LRRC4C: variants seen among roughly 807,000 people sequenced by gnomAD.
LRRC4C encodes the protein leucine rich repeat containing 4C, also known as leucine-rich repeat-containing protein 4C.
A neutral mutation model predicts 33.6 loss-of-function variants in LRRC4C; 5 were observed. That is an observed-to-expected ratio of 0.15 (90% confidence interval 0.08 to 0.31). The LOEUF is 0.31. LRRC4C is among the 10% of genes least tolerant of loss of function. The pLI is 1.00. For missense variants in LRRC4C, 560 were observed against 796.7 expected, an observed-to-expected ratio of 0.70 and a Z score of 3.58; for synonymous variants, 329 against 302.0, an observed-to-expected ratio of 1.09 and a Z score of -0.93.
At chr11:40,781,468 T>C (rs1425905652) in intron 2 of LRRC4C, among the ~76,000 whole-genome samples, 1 of 152,162 alleles carries the variant, frequency 6.6e-6, no homozygotes, top group Non-Finnish European at 1.5e-5. Flanking sequence ...TTCTGTGTTA[T>C]TTAACGTAGG....
chr11:40,475,854 A>T (rs1312219067), intron 3 of LRRC4C, among the ~76,000 whole-genome samples: 1 of 152,084 alleles, frequency 6.6e-6, no homozygotes, highest in Non-Finnish European at 1.5e-5. Flanking sequence ...GGGTTGTCTC[A>T]TTCTAAATTC....
chr11:40,391,517 G>A (rs1949336386), intron 3 of LRRC4C, among the ~76,000 whole-genome samples: 1 of 152,150 alleles, frequency 6.6e-6, no homozygotes, highest in Non-Finnish European at 1.5e-5. Context: ...GAGATGAAGG[G>A]ATTGAGCCAA....
At chr11:40,675,814 T>C (rs1326418380) in intron 2 of LRRC4C, among the ~76,000 whole-genome samples, 1 of 152,216 alleles carries the variant, frequency 6.6e-6, no homozygotes, top group Non-Finnish European at 1.5e-5. Context: ...CTGTTAAAGT[T>C]TTTTTGGAAC....
intron 1 of LRRC4C, among the ~76,000 whole-genome samples, chr11:41,279,908 A>G (rs1316806966): frequency 6.6e-6 from 1 of 151,764 alleles, no homozygotes; most frequent in African/African-American, 2.4e-5. Flanking sequence ...TTATATCATT[A>G]TATCAAATAT....
At chr11:40,602,207 A>AG (rs1269995353) in intron 3 of LRRC4C, among the ~76,000 whole-genome samples, 1 of 117,666 alleles carries the variant, frequency 8.5e-6, no homozygotes, top group African/African-American at 2.6e-5. Flanking sequence ...AAAAAAAAAA[A>AG]AAAGAAAAAA....
chr11:40,142,049 G>T (rs1014297513), intron 5 of LRRC4C, among the ~76,000 whole-genome samples: 1 of 152,032 alleles, frequency 6.6e-6, no homozygotes, highest in African/African-American at 2.4e-5. Context: ...CTCGGAGGCC[G>T]AGGTGGGTGG....
At chr11:41,030,815 C>CAT (rs1040614253) in intron 1 of LRRC4C, among the ~76,000 whole-genome samples, 49 of 151,632 alleles carry the variant, frequency 3.2e-4, no homozygotes, top group East Asian at 2.5e-3. Flanking sequence ...CATACACACA[C>CAT]ATATATATAT....
intron 2 of LRRC4C, among the ~76,000 whole-genome samples, chr11:40,858,670 G>A (rs548519713): frequency 1.4e-5 from 2 of 140,998 alleles, no homozygotes; most frequent in East Asian, 4.3e-4. Context: ...CTCCAGCCTG[G>A]TAACAGAGTG....
intron 1 of LRRC4C, among the ~76,000 whole-genome samples, chr11:41,318,788 G>T (rs749891280): frequency 6.6e-6 from 1 of 151,642 alleles, no homozygotes; most frequent in African/African-American, 2.4e-5. Context: ...CCTTTTCATA[G>T]AATAGAAATT....
At chr11:41,158,584 C>A (rs548482306) in intron 1 of LRRC4C, among the ~76,000 whole-genome samples, 12 of 152,178 alleles carry the variant, frequency 7.9e-5, no homozygotes, top group African/African-American at 2.2e-4. Context: ...TTTTCCAGGA[C>A]AAAGCAGTGA....
chr11:40,297,037 T>C (rs906659705), intron 4 of LRRC4C, among the ~76,000 whole-genome samples: 2 of 152,236 alleles, frequency 1.3e-5, no homozygotes, highest in African/African-American at 4.8e-5. Flanking sequence ...GTTATCTTAT[T>C]TCACTGTATG....
chr11:40,290,521 G>GT (rs1432324639), intron 4 of LRRC4C, among the ~76,000 whole-genome samples: 2 of 152,190 alleles, frequency 1.3e-5, no homozygotes, highest in Non-Finnish European at 2.9e-5. Flanking sequence ...TGATGTGAGT[G>GT]TAAGAACAGG....
chr11:40,396,487 A>G (rs1949545734), intron 3 of LRRC4C, among the ~76,000 whole-genome samples: 1 of 152,278 alleles, frequency 6.6e-6, no homozygotes, highest in Admixed American at 6.5e-5. Context: ...GAGTCCATGT[A>G]ATTACTCAAA....
intron 1 of LRRC4C, among the ~76,000 whole-genome samples, chr11:41,121,250 C>T (rs771578020): frequency 3.3e-5 from 5 of 151,992 alleles, no homozygotes; most frequent in Non-Finnish European, 5.9e-5. Flanking sequence ...ATATATCGGT[C>T]GGTCAAAAAG....
intron 3 of LRRC4C, among the ~76,000 whole-genome samples, chr11:40,401,137 C>T (rs939016321): frequency 3.3e-5 from 5 of 151,620 alleles, no homozygotes; most frequent in African/African-American, 1.2e-4. Context: ...GAAAGCAGCA[C>T]ACATGGTGAG....
At chr11:40,879,998 T>C (rs1017837504) in intron 2 of LRRC4C, among the ~76,000 whole-genome samples, 1 of 152,082 alleles carries the variant, frequency 6.6e-6, no homozygotes, top group Non-Finnish European at 1.5e-5. Flanking sequence ...GTATGTTACA[T>C]GATTTTTGAG....
rs369413177 is a variant in LRRC4C at position 40,886,995 on chromosome 11, TAC to T, written c.-407+46638_-407+46639del. Among the ~76,000 whole-genome samples, 910 of 143,556 alleles carry T rather than the reference TAC, an allele frequency of 6.3e-3. 5 individuals carry two copies. The highest frequency in any genetic ancestry group is 0.019 in the African/African-American group (749 of 39,364). 94.2% of individuals were successfully genotyped at this position (143,556 alleles called of 152,430 possible). A position where few individuals can be genotyped will look rare whatever the true frequency, so the allele number is the denominator to read the frequency against. On this transcript the variant is annotated intron_variant, in intron 2 of 6. Transcript: ENST00000528697. ...ATATATATATATACGTGTATATATC[TAC>T]ACACACACACACACACACACATACG...
intron 3 of LRRC4C, among the ~76,000 whole-genome samples, chr11:40,560,192 C>T (rs1179071235): frequency 6.6e-6 from 1 of 152,144 alleles, no homozygotes; most frequent in Non-Finnish European, 1.5e-5. Context: ...CAATTCTATT[C>T]TCAGAGCAAT....
intron 2 of LRRC4C, among the ~76,000 whole-genome samples, chr11:40,909,520 C>T (rs1388399430): frequency 6.6e-6 from 1 of 151,996 alleles, no homozygotes; most frequent in Admixed American, 6.6e-5. Flanking sequence ...ACAGTGTATA[C>T]ATTTAGGGTG....
Sources: allele counts gnomAD v4.1 joint callset (sites outside exome capture counted in the v4.1 genomes callset), GRCh38; gene constraint gnomAD v4.1.1; transcripts MANE v1.5; gene names NCBI Gene and HGNC (gene_info 2026-07-23, HGNC 2026-07-21).